The following FER variants were observed in gnomAD, a reference collection of about 807,000 sequenced individuals.
FER encodes the protein FER tyrosine kinase, also known as tyrosine-protein kinase Fer.
FER carries 63 observed loss-of-function variants against 111.0 expected under a neutral mutation model. The ratio of observed to expected loss-of-function variants is 0.57; its 90% CI spans 0.46 to 0.70. The LOEUF is 0.70. Ranked by LOEUF, FER falls within the 30% of genes least tolerant of loss-of-function variation. The pLI, the probability that FER is intolerant of heterozygous loss-of-function variation, is 0.00. For missense variants in FER, 914 were observed against 954.0 expected, an observed-to-expected ratio of 0.96 and a Z score of 0.55; for synonymous variants, 327 against 313.9, an observed-to-expected ratio of 1.04 and a Z score of -0.44.
rs1757932928 is a variant in FER, at chr5:108,952,709, C to T, written c.1330-2020C>T. Among the ~76,000 whole-genome samples, 3 of 151,966 alleles carry T rather than the reference C, an allele frequency of 2.0e-5. No individual in the cohort carries two copies. The South Asian group carries it at 6.2e-4, about 31-fold the overall frequency. ...GATACTTTCCCCAGATGACTTTTTC[C>T]CCCATACATATTCTTCGTCATATGT... On this transcript the variant is annotated intron_variant, in intron 11 of 19. Transcript: ENST00000281092.
chr5:108,753,197 C>T lies in FER; in HGVS notation c.-206+5197C>T, dbSNP rs78050892. Among the ~76,000 whole-genome samples, 68 of 152,146 alleles carry T rather than the reference C, an allele frequency of 4.5e-4. 2 individuals are homozygous for T. In the East Asian group the frequency reaches 0.011, roughly 25 times the overall value. ...CTTTATGTGATAACATTGATTTTAT[C>T]TCTCCTTGTATTAATGTGTTTATTA... is the stretch of plus-strand genomic sequence containing the variant. On this transcript the variant is annotated intron_variant, in intron 1 of 19. Coordinates refer to ENST00000281092, the MANE Select transcript of FER (RefSeq NM_005246.4).
intron 3 of FER, among the ~76,000 whole-genome samples, chr5:108,799,973 G>A (rs914351637): frequency 1.3e-5 from 2 of 151,674 alleles, no homozygotes; most frequent in African/African-American, 4.9e-5. Flanking sequence ...CTCATGAGTA[G>A]CTGGGATTAC....
At chr5:108,944,796 T>C (rs1273499712) in intron 10 of FER, among the ~76,000 whole-genome samples, 2 of 124,300 alleles carry the variant, frequency 1.6e-5, no homozygotes, top group African/African-American at 6.0e-5. Flanking sequence ...GGTCTCATTA[T>C]TATTTTTGAT....
intron 16 of FER, among the ~76,000 whole-genome samples, chr5:109,055,165 A>C (rs1055111290): frequency 6.6e-6 from 1 of 152,204 alleles, no homozygotes; most frequent in Non-Finnish European, 1.5e-5. Flanking sequence ...AAATCATCTC[A>C]AATTGGATGA....
chr5:108,770,637 A>T (rs892314150), intron 2 of FER, among the ~76,000 whole-genome samples: 55 of 151,942 alleles, frequency 3.6e-4, no homozygotes, highest in African/African-American at 1.1e-3. Context: ...CAGTCTCCCA[A>T]AGTGTTGGGA....
At position 109,146,253 on chromosome 5, in the gene FER, AATATATATATATATATATATAT is replaced by A. The variant is rs6149172; in HGVS notation, c.2049-34477_2049-34456del. Among the ~76,000 whole-genome samples the A allele has an allele frequency of 2.0e-3, 83 of 42,106 alleles. 3 individuals are homozygous for A. Among genetic ancestry groups the A allele is most frequent in the Non-Finnish European group, 3.3e-3 (68 of 20,920 alleles). 27.6% of individuals were successfully genotyped at this position (42,106 alleles called of 152,430 possible). ...TATCTAATATATATATAATCTATCT[AATATATATATATATATATATAT>A]ATATATATATATATATCTTGGGTAG... is the stretch of plus-strand genomic sequence containing the variant. On this transcript the variant is annotated intron_variant, in intron 17 of 19. Transcript: ENST00000281092.
intron 16 of FER, among the ~76,000 whole-genome samples, chr5:109,091,247 C>A (rs980166433): frequency 6.6e-6 from 1 of 152,170 alleles, no homozygotes; most frequent in Non-Finnish European, 1.5e-5. Flanking sequence ...GCTGGGGAAC[C>A]CATTGGACCT....
intron 16 of FER, among the ~76,000 whole-genome samples, chr5:109,079,822 C>G (rs1259551795): frequency 2.0e-5 from 3 of 152,128 alleles, no homozygotes; most frequent in Non-Finnish European, 4.4e-5. Context: ...TGTCAGACAT[C>G]ATAGCCAAGC....
intron 2 of FER, among the ~76,000 whole-genome samples, chr5:108,797,913 G>A (rs143405368): frequency 4.6e-5 from 7 of 151,862 alleles, no homozygotes; most frequent in Non-Finnish European, 7.4e-5. Context: ...CTTTTATTTC[G>A]TTTGTTTCAC....
chr5:108,866,155 T>G (rs897164790), intron 5 of FER, among the ~76,000 whole-genome samples: 1 of 152,208 alleles, frequency 6.6e-6, no homozygotes, highest in African/African-American at 2.4e-5. Flanking sequence ...ATTGCGGTAC[T>G]ATTCACAATA....
intron 3 of FER, among the ~76,000 whole-genome samples, chr5:108,800,925 T>TA (rs1451134930): frequency 5.3e-5 from 8 of 152,148 alleles, no homozygotes; most frequent in Non-Finnish European, 8.8e-5. Context: ...CGAGTGCCTG[T>TA]AGTCCCAGCT....
intron 13 of FER, among the ~76,000 whole-genome samples, chr5:108,970,354 T>A (rs1311851055): frequency 6.6e-6 from 1 of 152,080 alleles, no homozygotes; most frequent in Non-Finnish European, 1.5e-5. Context: ...TGGCTGGGAC[T>A]ACAGGCGTCT....
chr5:108,756,607 A>G (rs1751138389), intron 1 of FER, among the ~76,000 whole-genome samples: 1 of 152,080 alleles, frequency 6.6e-6, no homozygotes, highest in African/African-American at 2.4e-5. Flanking sequence ...GTAATATGTA[A>G]TTAATTATAG....
chr5:108,791,431 C>G (rs192074162), intron 2 of FER, among the ~76,000 whole-genome samples: 81 of 152,000 alleles, frequency 5.3e-4, no homozygotes, highest in African/African-American at 1.9e-3. Flanking sequence ...GTACATTTTT[C>G]TTAGAGAACT....
chr5:108,962,740 GT>G (rs1265263383), intron 13 of FER, among the ~76,000 whole-genome samples: 3 of 152,048 alleles, frequency 2.0e-5, no homozygotes, highest in Non-Finnish European at 4.4e-5. Flanking sequence ...AATAAGAATT[GT>G]TGTTAATCTC....
At chr5:108,820,695 C>A (rs953131852) in intron 3 of FER, among the ~76,000 whole-genome samples, 3 of 152,092 alleles carry the variant, frequency 2.0e-5, no homozygotes, top group African/African-American at 7.2e-5. Context: ...TCATTAGAAA[C>A]CAATTATTTA....
At chr5:108,899,537 G>A (rs1295138430) in intron 10 of FER, among the ~76,000 whole-genome samples, 4 of 151,966 alleles carry the variant, frequency 2.6e-5, no homozygotes, top group Admixed American at 1.3e-4. Flanking sequence ...GGTGGCTCAC[G>A]CCTGTAATCC....
At chr5:109,130,416 G>T (rs1306304865) in intron 17 of FER, among the ~76,000 whole-genome samples, 1 of 151,752 alleles carries the variant, frequency 6.6e-6, no homozygotes, top group Non-Finnish European at 1.5e-5. Context: ...TAATTTGTCT[G>T]TACTTCCTAT....
intron 5 of FER, among the ~76,000 whole-genome samples, chr5:108,840,095 C>T (rs1761105807): frequency 6.6e-6 from 1 of 152,166 alleles, no homozygotes; most frequent in Admixed American, 6.5e-5. Flanking sequence ...CCTTCTGCCA[C>T]ATTGGCAGAA....
Sources: allele counts gnomAD v4.1 joint callset (sites outside exome capture counted in the v4.1 genomes callset), GRCh38; gene constraint gnomAD v4.1.1; transcripts MANE v1.5; gene names NCBI Gene and HGNC (gene_info 2026-07-23, HGNC 2026-07-21).